Variants in ASTN2 observed in about 807,000 individuals in gnomAD.
ASTN2 encodes astrotactin-2.
In ASTN2, 54 loss-of-function variants were observed where a neutral mutation model predicts 139.8. That is an observed-to-expected ratio of 0.39 (90% CI 0.31 to 0.48). The LOEUF (loss-of-function observed/expected upper bound fraction) is 0.48, where lower values mean the gene tolerates loss of function less well. Among genes scored for constraint, ASTN2 ranks in the 20% least tolerant of loss-of-function variants. ASTN2 has a pLI of 0.95. For synonymous variants in ASTN2, 756 were observed against 719.5 expected, an observed-to-expected ratio of 1.05 and a Z score of -0.81; for missense variants, 1,565 against 1,725.1, an observed-to-expected ratio of 0.91 and a Z score of 1.64.
chr9:116,642,205 C>T (rs1048303672), intron 17 of ASTN2, among the ~76,000 whole-genome samples: 1 of 150,572 alleles, frequency 6.6e-6, no homozygotes. Flanking sequence ...CAAACACTTC[C>T]CCCATTCTCA....
At chr9:116,775,879 A>G (rs564642939) in intron 13 of ASTN2, among the ~76,000 whole-genome samples, 3 of 152,232 alleles carry the variant, frequency 2.0e-5, no homozygotes, top group South Asian at 4.1e-4. Flanking sequence ...GCCTTCAGAC[A>G]TATTTGTTTC....
At chr9:117,141,066 T>C (rs1356452152) in intron 4 of ASTN2, among the ~76,000 whole-genome samples, 3 of 152,150 alleles carry the variant, frequency 2.0e-5, no homozygotes, top group Non-Finnish European at 4.4e-5. Context: ...ACACTTTCCA[T>C]ATATAGTTGC....
At chr9:117,192,391 G>A (rs78391045) in intron 3 of ASTN2, among the ~76,000 whole-genome samples, 88 of 149,506 alleles carry the variant, frequency 5.9e-4, no homozygotes, top group East Asian at 7.9e-4. Context: ...CAGTGGCAAA[G>A]AAAAAAAAGA....
At chr9:116,839,811 C>T (rs1439224963) in intron 11 of ASTN2, among the ~76,000 whole-genome samples, 1 of 151,112 alleles carries the variant, frequency 6.6e-6, no homozygotes, top group Admixed American at 6.6e-5. Flanking sequence ...GCCGGGACCA[C>T]AGGTGCCCGC....
chr9:116,601,748 C>A (rs2131761677), intron 19 of ASTN2, among the ~76,000 whole-genome samples: 1 of 152,190 alleles, frequency 6.6e-6, no homozygotes, highest in South Asian at 2.1e-4. Context: ...ATAGCAAATC[C>A]AGTTTTGAAT....
At chr9:117,253,200 G>C (rs1032141890) in intron 2 of ASTN2, among the ~76,000 whole-genome samples, 3 of 152,168 alleles carry the variant, frequency 2.0e-5, no homozygotes, top group Admixed American at 2.0e-4. Flanking sequence ...CCCTTGATAA[G>C]GCTTTTCTTC....
chr9:117,072,888 T>C (rs1460011917), intron 5 of ASTN2, among the ~76,000 whole-genome samples: 1 of 151,794 alleles, frequency 6.6e-6, no homozygotes, highest in African/African-American at 2.4e-5. Context: ...AAAGAAAACA[T>C]GGAGGTATGG....
chr9:116,888,596 C>T (rs2132384265), intron 10 of ASTN2, among the ~76,000 whole-genome samples: 1 of 152,086 alleles, frequency 6.6e-6, no homozygotes, highest in African/African-American at 2.4e-5. Flanking sequence ...AATCTCGGCT[C>T]ACTGCAACCT....
intron 6 of ASTN2, among the ~76,000 whole-genome samples, chr9:117,030,200 C>T (rs900389094): frequency 1.3e-5 from 2 of 152,142 alleles, no homozygotes; most frequent in Admixed American, 1.3e-4. Flanking sequence ...CACTATTTGG[C>T]AAACCTTAAG....
At chr9:116,776,981 C>T (rs775912895) in intron 13 of ASTN2, among the ~76,000 whole-genome samples, 11 of 152,132 alleles carry the variant, frequency 7.2e-5, no homozygotes, top group African/African-American at 9.7e-5. Flanking sequence ...AAGGAGACAT[C>T]GTAAAGGTTC....
At chr9:116,519,438 TAAAA>T (rs968962923) in intron 19 of ASTN2, among the ~76,000 whole-genome samples, 1 of 151,126 alleles carries the variant, frequency 6.6e-6, no homozygotes, top group Non-Finnish European at 1.5e-5. Flanking sequence ...AAGATGGAAA[TAAAA>T]AAAAATCTTT....
At chr9:117,238,255 T>C (rs557874798) in intron 2 of ASTN2, among the ~76,000 whole-genome samples, 2 of 152,164 alleles carry the variant, frequency 1.3e-5, no homozygotes, top group Non-Finnish European at 2.9e-5. Context: ...GGTTTAGCCA[T>C]GGGTGTCTAC....
intron 3 of ASTN2, among the ~76,000 whole-genome samples, chr9:117,163,327 T>C (rs1177331137): frequency 2.0e-5 from 3 of 152,064 alleles, no homozygotes; most frequent in Non-Finnish European, 2.9e-5. Flanking sequence ...TGCTGGACTT[T>C]GTATTACCTA....
chr9:117,229,125 T>A (rs1468789152), intron 2 of ASTN2, among the ~76,000 whole-genome samples: 1 of 152,154 alleles, frequency 6.6e-6, no homozygotes, highest in Non-Finnish European at 1.5e-5. Flanking sequence ...ACTCCTCTCA[T>A]CCCTGAGATA....
intron 1 of ASTN2, among the ~76,000 whole-genome samples, chr9:117,347,104 G>A (rs1829243374): frequency 6.6e-6 from 1 of 152,102 alleles, no homozygotes; most frequent in African/African-American, 2.4e-5. Flanking sequence ...CGACATCCAA[G>A]TAGGGGGCTT....
rs1218207470 is a variant in ASTN2 at position 117,071,918 on chromosome 9, C to T, written c.1276+24126G>A. On this transcript the variant is annotated intron_variant, in intron 5 of 22. Transcript: ENST00000313400. ...GGCCTGCGCCCACTGTCTGGCACTCCCTAGTGAGATGAACCCGGTACCTCA... is the reference window on the plus strand; with the variant it reads ...GGCCTGCGCCCACTGTCTGGCACTCTCTAGTGAGATGAACCCGGTACCTCA... Among the ~76,000 whole-genome samples the T allele has an allele frequency of 2.0e-5, 3 of 152,262 alleles. No homozygotes were observed. In the East Asian group the frequency reaches 5.8e-4, roughly 30 times the overall value.
chr9:117,157,986 C>G lies in ASTN2; in HGVS notation c.1016-16508G>C, dbSNP rs376269782. On this transcript the variant is annotated intron_variant, in intron 3 of 22. Coordinates refer to ENST00000313400, the MANE Select transcript of ASTN2 (RefSeq NM_001365068.1). Reference sequence around the variant, plus strand: ...ATGAAAAGAGCTGCAATTTATTAAGCCACATGGCATGTATTGGCATTTAGC... The same window carrying G: ...ATGAAAAGAGCTGCAATTTATTAAGGCACATGGCATGTATTGGCATTTAGC... 9.1e-4 allele frequency among the ~76,000 whole-genome samples: 139 copies of G among 152,114 alleles called. 1 individual carries two copies. In the South Asian group the frequency reaches 0.027, roughly 29 times the overall value.
chr9:117,042,188 C>A (rs974560155), intron 5 of ASTN2, among the ~76,000 whole-genome samples: 1 of 152,128 alleles, frequency 6.6e-6, no homozygotes, highest in Admixed American at 6.5e-5. Context: ...AACAGAACAT[C>A]GGCTATTATT....
chr9:117,116,520 C>G (rs1829395818), intron 4 of ASTN2, among the ~76,000 whole-genome samples: 2 of 151,766 alleles, frequency 1.3e-5, no homozygotes, highest in South Asian at 4.2e-4. Flanking sequence ...CTTGAATAAT[C>G]TTTGCCATTT....
Sources: allele counts gnomAD v4.1 joint callset (sites outside exome capture counted in the v4.1 genomes callset), GRCh38; gene constraint gnomAD v4.1.1; transcripts MANE v1.5; gene names NCBI Gene and HGNC (gene_info 2026-07-23, HGNC 2026-07-21).